The following ROBO2 variants were observed in gnomAD, a reference collection of about 807,000 sequenced individuals.
The protein encoded by ROBO2 is roundabout homolog 2.
ROBO2 carries 53 observed loss-of-function variants against 160.8 expected under a neutral mutation model. That is an observed-to-expected ratio of 0.33 (90% confidence interval 0.26 to 0.41). ROBO2 has a LOEUF of 0.41. Among genes scored for constraint, ROBO2 ranks in the 10% least tolerant of loss-of-function variants. The pLI is 1.00. For missense variants in ROBO2, 1,577 were observed against 1,722.4 expected (o/e 0.92, Z 1.49); for synonymous variants, 664 against 611.7 (o/e 1.09, Z -1.26).
In ROBO2 at chr3:76,466,989, G is replaced by A. The variant is rs73115460; in HGVS notation, c.109+529387G>A. Among the ~76,000 whole-genome samples the A allele has an allele frequency of 4.1e-3, 618 of 152,056 alleles. 3 individuals carry two copies. Among genetic ancestry groups the A allele is most frequent in the Non-Finnish European group, 7.3e-3 (495 of 67,946 alleles). On this transcript the variant is annotated intron_variant, in intron 2 of 26. Transcript: ENST00000487694. ...GACATTTTAATAGATAAAATGGTAG[G>A]ACAGTTATAAACTATTAATAGTTTC...
chr3:77,032,609 G>A lies in ROBO2; in HGVS notation c.110-65405G>A, dbSNP rs78384499. On this transcript the variant is annotated intron_variant, in intron 2 of 26. Coordinates refer to the ROBO2 transcript ENST00000487694. ...GATTATATTTGTCAGCACAGGTGAA[G>A]TCCTAAAACAAAGAATACCAAACTT... Among the ~76,000 whole-genome samples the A allele has an allele frequency of 9.5e-4, 144 of 152,210 alleles. 1 individual carries two copies. In the East Asian group the frequency reaches 0.014, roughly 15 times the overall value.
At chr3:76,783,249 A>G (rs1217106602) in intron 2 of ROBO2, among the ~76,000 whole-genome samples, 2 of 150,966 alleles carry the variant, frequency 1.3e-5, no homozygotes, top group Admixed American at 6.6e-5. Flanking sequence ...AGCCATAACT[A>G]TATTGAATAC....
chr3:77,623,232 G>A (rs1248174451), intron 23 of ROBO2, among the ~76,000 whole-genome samples: 1 of 152,126 alleles, frequency 6.6e-6, no homozygotes, highest in African/African-American at 2.4e-5. Context: ...ACAAGAAAAT[G>A]CCTCTTACAT....
intron 2 of ROBO2, among the ~76,000 whole-genome samples, chr3:77,188,236 A>G (rs2081463993): frequency 6.6e-6 from 1 of 151,936 alleles, no homozygotes; most frequent in Non-Finnish European, 1.5e-5. Flanking sequence ...GGTAAAAGCC[A>G]ACTAAATGGA....
At chr3:76,612,853 T>C (rs2088244603) in intron 2 of ROBO2, among the ~76,000 whole-genome samples, 2 of 152,166 alleles carry the variant, frequency 1.3e-5, no homozygotes, top group African/African-American at 4.8e-5. Flanking sequence ...CTTTTTGTAG[T>C]TTTTGTTTTG....
intron 2 of ROBO2, among the ~76,000 whole-genome samples, chr3:77,378,853 T>A (rs2073043262): frequency 6.6e-6 from 1 of 152,154 alleles, no homozygotes; most frequent in Non-Finnish European, 1.5e-5. Flanking sequence ...AATTCGTGTT[T>A]CTTCGGTAAA....
At chr3:77,354,860 C>G (rs1408648997) in intron 2 of ROBO2, among the ~76,000 whole-genome samples, 2 of 152,132 alleles carry the variant, frequency 1.3e-5, no homozygotes, top group Non-Finnish European at 2.9e-5. Flanking sequence ...AGTAGACAGG[C>G]CAGATGTCAG....
rs575738721 is a variant in ROBO2, at chr3:77,263,218, G to A, written c.388+164878G>A. On this transcript the variant is annotated intron_variant, in intron 2 of 25. Transcript: ENST00000461745. The stretch of plus-strand genomic sequence containing the variant: ...TCAGAGAGGCAAAGCTAAAATTTAA[G>A]CCATTTACTTGCCAGTTTTTATTTT... Among the ~76,000 whole-genome samples, 6 of 152,222 alleles carry A rather than the reference G, an allele frequency of 3.9e-5. No individual in the cohort carries two copies. The South Asian group carries it at 1.2e-3, about 32-fold the overall frequency.
At chr3:76,800,740 A>G (rs2108847075) in intron 2 of ROBO2, among the ~76,000 whole-genome samples, 1 of 152,296 alleles carries the variant, frequency 6.6e-6, no homozygotes, top group Non-Finnish European at 1.5e-5. Flanking sequence ...TGGTGGGGGT[A>G]TGGAGAAAGG....
chr3:77,018,112 T>C (rs890960399), intron 2 of ROBO2, among the ~76,000 whole-genome samples: 1 of 152,180 alleles, frequency 6.6e-6, no homozygotes, highest in Non-Finnish European at 1.5e-5. Flanking sequence ...TATATTTATA[T>C]ATACATTTGA....
At chr3:77,553,666 A>G (rs1451489969) in intron 8 of ROBO2, among the ~76,000 whole-genome samples, 1 of 151,972 alleles carries the variant, frequency 6.6e-6, no homozygotes, top group Non-Finnish European at 1.5e-5. Flanking sequence ...AGAAAGTTTT[A>G]GAGTCTGGAT....
In ROBO2 at chr3:76,529,734, A is replaced by G. The variant is rs183554440; in HGVS notation, c.110-568280A>G. 9.8e-4 allele frequency among the ~76,000 whole-genome samples: 149 copies of G among 152,296 alleles called. 2 individuals carry two copies. The highest frequency in any genetic ancestry group is 3.5e-3 in the African/African-American group (145 of 41,566). On this transcript the variant is annotated intron_variant, in intron 2 of 26. Coordinates refer to the ROBO2 transcript ENST00000487694. ...TAATTTAAGATATCAGTGGGTTTCT[A>G]GAGTAAAGCATGTTGTCTTTCAGTT...
intron 1 of ROBO2, among the ~76,000 whole-genome samples, chr3:75,925,760 T>G (rs923395265): frequency 6.6e-6 from 1 of 152,174 alleles, no homozygotes; most frequent in Non-Finnish European, 1.5e-5. Flanking sequence ...GCAGCCACAG[T>G]GTAGTGGTAG....
At chr3:76,458,543 T>C (rs1028644238) in intron 2 of ROBO2, among the ~76,000 whole-genome samples, 1 of 152,226 alleles carries the variant, frequency 6.6e-6, no homozygotes, top group African/African-American at 2.4e-5. Flanking sequence ...CCTCTGCCTG[T>C]TACCCAGTTC....
chr3:76,799,570 T>A (rs534757551), intron 2 of ROBO2, among the ~76,000 whole-genome samples: 105 of 150,430 alleles, frequency 7.0e-4, no homozygotes, highest in African/African-American at 8.7e-4. Context: ...AACATTTTTA[T>A]ATGTTAACAG....
At chr3:76,707,495 C>G (rs1002329635) in intron 2 of ROBO2, among the ~76,000 whole-genome samples, 2 of 151,964 alleles carry the variant, frequency 1.3e-5, no homozygotes, top group African/African-American at 4.8e-5. Flanking sequence ...AAGTGCTAAA[C>G]AGCAGTATCA....
intron 2 of ROBO2, among the ~76,000 whole-genome samples, chr3:77,269,561 C>T (rs542208154): frequency 6.6e-6 from 1 of 152,170 alleles, no homozygotes; most frequent in African/African-American, 2.4e-5. Context: ...AGGTTATATT[C>T]CATAATTTAA....
chr3:77,402,157 T>C (rs1490018238), intron 2 of ROBO2, among the ~76,000 whole-genome samples: 1 of 148,588 alleles, frequency 6.7e-6, no homozygotes, highest in African/African-American at 2.6e-5. Flanking sequence ...GAAACCATTA[T>C]TCTCAGCAAA....
At chr3:76,716,145 A>G (rs1468640860) in intron 2 of ROBO2, among the ~76,000 whole-genome samples, 1 of 152,206 alleles carries the variant, frequency 6.6e-6, no homozygotes, top group Non-Finnish European at 1.5e-5. Flanking sequence ...CATATGATAG[A>G]TGACCATAAA....
Sources: gnomAD v4.1 joint callset for allele counts (sites outside exome capture counted in the v4.1 genomes callset) on GRCh38, gnomAD v4.1.1 for gene constraint, MANE v1.5 for transcripts, NCBI Gene and HGNC (gene_info 2026-07-23, HGNC 2026-07-21) for gene names.